The following FSTL4 variants were observed in gnomAD, a reference collection of about 807,000 sequenced individuals.
FSTL4 encodes the protein follistatin-related protein 4.
In FSTL4, 28 loss-of-function variants were observed where a neutral mutation model predicts 78.2. The ratio of observed to expected loss-of-function variants is 0.36; its 90% CI spans 0.27 to 0.49. FSTL4 has a LOEUF of 0.49. Among genes scored for constraint, FSTL4 ranks in the 20% least tolerant of loss-of-function variants. The pLI is 0.98. For synonymous variants in FSTL4, 422 were observed against 440.5 expected (o/e 0.96, Z 0.53); for missense variants, 922 against 1,084.9 (o/e 0.85, Z 2.11).
At chr5:133,684,231 G>A in the FSTL4 span, among the ~76,000 whole-genome samples, 3 of 152,278 alleles carry the variant, frequency 2.0e-5, no homozygotes, top group African/African-American at 4.8e-5. Flanking sequence ...AAGATAGCAG[G>A]CGGGGATGCT....
chr5:133,766,809 C>A, the FSTL4 span, among the ~76,000 whole-genome samples: 1 of 152,184 alleles, frequency 6.6e-6, no homozygotes, highest in African/African-American at 2.4e-5. Flanking sequence ...ATCCAACAAA[C>A]AATATAATGT....
At chr5:133,792,691 C>T in the FSTL4 span, among the ~76,000 whole-genome samples, 1 of 152,224 alleles carries the variant, frequency 6.6e-6, no homozygotes, top group African/African-American at 2.4e-5. Context: ...TCTCCTTTTG[C>T]TCATCTTCCC....
chr5:133,524,047 C>T (rs1253668855), intron 3 of FSTL4, among the ~76,000 whole-genome samples: 4 of 152,198 alleles, frequency 2.6e-5, no homozygotes, highest in African/African-American at 9.6e-5. Context: ...CCAGATGAGA[C>T]AGCAGCAGTC....
intron 6 of FSTL4, among the ~76,000 whole-genome samples, chr5:133,306,268 G>A (rs1023616822): frequency 2.0e-5 from 3 of 152,260 alleles, no homozygotes; most frequent in African/African-American, 7.2e-5. Flanking sequence ...GGATGTGGCT[G>A]TAGGCCAGCA....
At chr5:133,276,703 C>A (rs1440186105) in intron 6 of FSTL4, among the ~76,000 whole-genome samples, 1 of 152,194 alleles carries the variant, frequency 6.6e-6, no homozygotes, top group Non-Finnish European at 1.5e-5. Flanking sequence ...ATATTCTCCA[C>A]CAGCAATTTG....
the FSTL4 span, among the ~76,000 whole-genome samples, chr5:133,674,596 TG>T: frequency 5.2e-4 from 78 of 149,174 alleles, no homozygotes; most frequent in Middle Eastern, 7.4e-3. Context: ...TGTGTGTGTG[TG>T]TGTGTGTGTG....
chr5:133,724,927 C>T, the FSTL4 span, among the ~76,000 whole-genome samples: 3 of 152,162 alleles, frequency 2.0e-5, no homozygotes. Flanking sequence ...TCATTATTTT[C>T]CTTATGAGCA....
chr5:133,221,035 G>T (rs959060479), intron 11 of FSTL4, 169 bp from the exon 12 acceptor site: 2 of 704,820 alleles, frequency 2.8e-6, no homozygotes, highest in Non-Finnish European at 5.2e-6. Context: ...CTTGTAGCTG[G>T]ATGGGTGCAG....
chr5:133,223,882 C>A (rs959907271), intron 11 of FSTL4, among the ~76,000 whole-genome samples: 2 of 152,196 alleles, frequency 1.3e-5, no homozygotes, highest in Admixed American at 1.3e-4. Flanking sequence ...CTAAACCCAA[C>A]ACCAGTCAGC....
intron 3 of FSTL4, among the ~76,000 whole-genome samples, chr5:133,444,165 T>C (rs1040841184): frequency 6.6e-6 from 1 of 152,166 alleles, no homozygotes; most frequent in African/African-American, 2.4e-5. Context: ...GTTAAATGAC[T>C]AAACAACTGA....
intron 2 of FSTL4, among the ~76,000 whole-genome samples, chr5:133,579,096 G>C (rs1046635376): frequency 1.1e-4 from 17 of 152,144 alleles, no homozygotes; most frequent in Non-Finnish European, 1.6e-4. Flanking sequence ...GCCTAACACA[G>C]GCATTATCTG....
chr5:133,429,190 C>A (rs144659026), intron 3 of FSTL4, among the ~76,000 whole-genome samples: 1 of 152,164 alleles, frequency 6.6e-6, no homozygotes. Flanking sequence ...GCTCGTAGGA[C>A]GCCCACAGCC....
chr5:133,641,504 T>C, the FSTL4 span, among the ~76,000 whole-genome samples: 8 of 152,258 alleles, frequency 5.3e-5, no homozygotes, highest in East Asian at 1.5e-3. Context: ...TAAGTATAAA[T>C]ATGTTAGATT....
chr5:133,829,341 G>A, the FSTL4 span, among the ~76,000 whole-genome samples: 2 of 152,194 alleles, frequency 1.3e-5, no homozygotes, highest in Admixed American at 6.5e-5. Flanking sequence ...AGCTGAGATC[G>A]CGCCACTGCA....
At chr5:133,686,200 C>T in the FSTL4 span, among the ~76,000 whole-genome samples, 1 of 152,218 alleles carries the variant, frequency 6.6e-6, no homozygotes, top group Non-Finnish European at 1.5e-5. Context: ...TAAAAGTGAA[C>T]AGCCCAGACC....
chr5:133,487,218 C>T (rs958548747), intron 3 of FSTL4, among the ~76,000 whole-genome samples: 1 of 152,206 alleles, frequency 6.6e-6, no homozygotes, highest in African/African-American at 2.4e-5. Context: ...GGTCTCACTG[C>T]CCAAGTCATG....
intron 4 of FSTL4, among the ~76,000 whole-genome samples, chr5:133,375,844 G>C (rs964271777): frequency 6.6e-6 from 1 of 152,208 alleles, no homozygotes; most frequent in Non-Finnish European, 1.5e-5. Context: ...TGAGTGGAGA[G>C]AGTAGAAAAT....
chr5:133,272,368 G>T (rs142367534), intron 6 of FSTL4, among the ~76,000 whole-genome samples: 3 of 152,218 alleles, frequency 2.0e-5, no homozygotes, highest in Non-Finnish European at 4.4e-5. Flanking sequence ...TTTGCCCAGC[G>T]TGGTGGTAAG....
chr5:133,443,097 A>G (rs1021293867), intron 3 of FSTL4, among the ~76,000 whole-genome samples: 17 of 152,030 alleles, frequency 1.1e-4, no homozygotes, highest in African/African-American at 3.6e-4. Flanking sequence ...CGCATCCTCA[A>G]CCTCCTTTGG....
Sources: gnomAD v4.1 joint callset for allele counts (sites outside exome capture counted in the v4.1 genomes callset) on GRCh38, gnomAD v4.1.1 for gene constraint, MANE v1.5 for transcripts, NCBI Gene and HGNC (gene_info 2026-07-23, HGNC 2026-07-21) for gene names.